The following ATP8A2 variants were observed in gnomAD, a reference collection of about 807,000 sequenced individuals.
The protein encoded by ATP8A2 is ATPase phospholipid transporting 8A2.
In ATP8A2, 100 loss-of-function variants were observed where a neutral mutation model predicts 165.6. The observed-to-expected ratio is 0.60, with a 90% CI of 0.51 to 0.71. The LOEUF is 0.71. ATP8A2 is among the 30% of genes least tolerant of loss of function. ATP8A2 has a pLI of 0.00. For synonymous variants in ATP8A2, 543 were observed against 548.8 expected, an observed-to-expected ratio of 0.99 and a Z score of 0.15; for missense variants, 1,227 against 1,479.5, an observed-to-expected ratio of 0.83 and a Z score of 2.80.
At chr13:25,430,712 CT>C (rs2034585877) in intron 1 of ATP8A2, among the ~76,000 whole-genome samples, 1 of 152,166 alleles carries the variant, frequency 6.6e-6, no homozygotes, top group South Asian at 2.1e-4. Flanking sequence ...ATTCTCCTAC[CT>C]CAGCCTCCTG....
rs559457399 is a variant in ATP8A2 at position 25,643,038 on chromosome 13, G to A, written c.2211+53339G>A. ...TGAGAACACTTGGACACAGGAAGGG[G>A]AACATCATACATCGGATCCTGTTGT... On this transcript the variant is annotated intron_variant, in intron 24 of 36. Transcript: ENST00000381655. Among the ~76,000 whole-genome samples the A allele has an allele frequency of 2.8e-4, 42 of 152,168 alleles. 1 individual carries two copies. The highest frequency in any genetic ancestry group is 1.7e-3 in the South Asian group (8 of 4,822).
At chr13:25,779,696 G>T (rs1037221580) in intron 27 of ATP8A2, among the ~76,000 whole-genome samples, 5 of 152,156 alleles carry the variant, frequency 3.3e-5, no homozygotes, top group African/African-American at 1.2e-4. Flanking sequence ...GTAGTTTTAA[G>T]CCTGGGGCAT....
intron 24 of ATP8A2, among the ~76,000 whole-genome samples, chr13:25,633,705 G>T (rs9553635): frequency 0.12 from 18,701 of 152,166 alleles, 1,306 homozygotes; most frequent in Admixed American, 0.19. Flanking sequence ...GCTGGACGTG[G>T]TCGCTCACGC....
chr13:25,985,584 A>G (rs1486004939), intron 35 of ATP8A2, among the ~76,000 whole-genome samples: 2 of 152,240 alleles, frequency 1.3e-5, no homozygotes, highest in Non-Finnish European at 2.9e-5. Context: ...GAATGTCATC[A>G]GAGACCCACC....
chr13:25,498,250 A>G (rs1381690192), intron 2 of ATP8A2, among the ~76,000 whole-genome samples: 1 of 152,196 alleles, frequency 6.6e-6, no homozygotes, highest in Non-Finnish European at 1.5e-5. Flanking sequence ...CAAGGCAGCA[A>G]ATACAGCAGC....
At chr13:25,987,328 C>T (rs749903314) in intron 35 of ATP8A2, among the ~76,000 whole-genome samples, 16 of 152,330 alleles carry the variant, frequency 1.1e-4, no homozygotes, top group Middle Eastern at 3.4e-3. Context: ...AAGAGCTGTT[C>T]TTCCAACTGG....
At chr13:25,485,445 C>T (rs762850357) in intron 2 of ATP8A2, among the ~76,000 whole-genome samples, 2 of 152,228 alleles carry the variant, frequency 1.3e-5, no homozygotes, top group Non-Finnish European at 2.9e-5. Context: ...AACCTCCTTC[C>T]ACTGCTTTAT....
chr13:25,447,277 G>A (rs1023809182), intron 1 of ATP8A2, among the ~76,000 whole-genome samples: 2 of 151,392 alleles, frequency 1.3e-5, no homozygotes, highest in African/African-American at 4.9e-5. Context: ...TTTTTTAATC[G>A]GTACATAATT....
intron 25 of ATP8A2, among the ~76,000 whole-genome samples, chr13:25,756,998 G>A (rs1331797071): frequency 2.6e-5 from 4 of 152,092 alleles, no homozygotes; most frequent in Non-Finnish European, 5.9e-5. Context: ...CAGCGCATTC[G>A]TTCCCCACCC....
At chr13:25,853,338 G>C (rs1009573599) in intron 30 of ATP8A2, among the ~76,000 whole-genome samples, 2 of 149,264 alleles carry the variant, frequency 1.3e-5, no homozygotes, top group Non-Finnish European at 1.5e-5. Flanking sequence ...GCTGCAGTGA[G>C]CTGAGATTGT....
intron 1 of ATP8A2, among the ~76,000 whole-genome samples, chr13:25,401,707 T>C (rs115884881): frequency 0.023 from 3,509 of 152,256 alleles, 144 homozygotes; most frequent in African/African-American, 0.077. Context: ...CCTCGGATGG[T>C]ACCGAAATCT....
At chr13:25,629,415 T>A (rs1171757910) in intron 24 of ATP8A2, among the ~76,000 whole-genome samples, 2 of 152,124 alleles carry the variant, frequency 1.3e-5, no homozygotes, top group Non-Finnish European at 2.9e-5. Context: ...GATGAAAAAA[T>A]TAATGATTTT....
At chr13:25,513,394 TG>T (rs2037340652) in intron 2 of ATP8A2, among the ~76,000 whole-genome samples, 3 of 144,346 alleles carry the variant, frequency 2.1e-5, no homozygotes, top group Non-Finnish European at 4.6e-5. Flanking sequence ...ACTTCCTAGA[TG>T]GGATGGCGGC....
chr13:25,892,709 C>A (rs903677180), intron 33 of ATP8A2, among the ~76,000 whole-genome samples: 2 of 152,086 alleles, frequency 1.3e-5, no homozygotes, highest in East Asian at 3.9e-4. Flanking sequence ...CCCTCCATCC[C>A]CCTCCTCTGC....
At chr13:25,502,906 A>G (rs544151182) in intron 2 of ATP8A2, among the ~76,000 whole-genome samples, 1 of 152,290 alleles carries the variant, frequency 6.6e-6, no homozygotes, top group South Asian at 2.1e-4. Flanking sequence ...TTTGCTATGC[A>G]TTTTAAGAGG....
intron 2 of ATP8A2, 63 bp from the exon 3 acceptor site, chr13:25,529,936 C>T (rs1200063032): frequency 1.0e-5 from 9 of 899,196 alleles, no homozygotes; most frequent in Non-Finnish European, 1.2e-5. Context: ...ACTTCTTGTC[C>T]TGTTCTTGTG....
rs183384429 is a variant in ATP8A2, at chr13:25,377,914, T to C, written c.76+5626T>C. Among the ~76,000 whole-genome samples the C allele has an allele frequency of 2.0e-3, 298 of 152,040 alleles. 3 individuals are homozygous for C. Among genetic ancestry groups the C allele is most frequent in the African/African-American group, 5.7e-3 (238 of 41,456 alleles). ...TGGGAGGTTCACTTGAGGCCAGGAGTTCGAGACCAGCCTGTACAACATAGT... is the reference window on the plus strand; with the variant it reads ...TGGGAGGTTCACTTGAGGCCAGGAGCTCGAGACCAGCCTGTACAACATAGT... On this transcript the variant is annotated intron_variant, in intron 1 of 36. Transcript: ENST00000381655.
chr13:25,528,773 T>C (rs781750576), intron 2 of ATP8A2, among the ~76,000 whole-genome samples: 4 of 72,608 alleles, frequency 5.5e-5, no homozygotes, highest in Non-Finnish European at 1.5e-4. Flanking sequence ...AACATGTGTA[T>C]GCACACATAT....
At chr13:25,568,454 G>C (rs1192999787) in intron 16 of ATP8A2, among the ~76,000 whole-genome samples, 1 of 152,102 alleles carries the variant, frequency 6.6e-6, no homozygotes, top group Non-Finnish European at 1.5e-5. Flanking sequence ...CGAATAAGTA[G>C]AAAATATTCA....
Sources: gnomAD v4.1 joint callset for allele counts (sites outside exome capture counted in the v4.1 genomes callset) on GRCh38, gnomAD v4.1.1 for gene constraint, MANE v1.5 for transcripts, NCBI Gene and HGNC (gene_info 2026-07-23, HGNC 2026-07-21) for gene names.